GTF2E2: variants seen among roughly 807,000 people sequenced by gnomAD.
GTF2E2 encodes the protein general transcription factor IIE subunit 2.
Under a neutral mutation model 40.5 loss-of-function variants are expected in GTF2E2, and 21 were observed. The observed-to-expected ratio is 0.52, with a 90% CI of 0.37 to 0.75. The LOEUF is 0.75. GTF2E2 is among the 30% of genes least tolerant of loss of function. The pLI is 0.00. For missense variants in GTF2E2, 298 were observed against 338.4 expected, an observed-to-expected ratio of 0.88 and a Z score of 0.94; for synonymous variants, 117 against 121.6, an observed-to-expected ratio of 0.96 and a Z score of 0.25.
chr8:30,630,334 A>G (rs1801404386), intron 3 of GTF2E2, among the ~76,000 whole-genome samples: 1 of 152,136 alleles, frequency 6.6e-6, no homozygotes, highest in African/African-American at 2.4e-5. Flanking sequence ...TCTATTTAGT[A>G]CTTTGTCCAA....
intron 2 of GTF2E2, among the ~76,000 whole-genome samples, chr8:30,649,530 A>G (rs1171793253): frequency 6.6e-6 from 1 of 152,196 alleles, no homozygotes; most frequent in African/African-American, 2.4e-5. Flanking sequence ...AAGGGAGAAA[A>G]GACAAATTCC....
chr8:30,638,491 T>C (rs1801687053), intron 2 of GTF2E2: 1 of 152,508 alleles, frequency 6.6e-6, no homozygotes. Context: ...CTCTTAAGGG[T>C]GGCAAGACTT....
At chr8:30,634,438 A>T (rs982833512) in intron 3 of GTF2E2, among the ~76,000 whole-genome samples, 1 of 152,024 alleles carries the variant, frequency 6.6e-6, no homozygotes, top group Non-Finnish European at 1.5e-5. Context: ...ACGGAGCAAG[A>T]CTGTCTCAAA....
intron 6 of GTF2E2, among the ~76,000 whole-genome samples, chr8:30,605,416 T>A (rs1829292717): frequency 6.6e-6 from 1 of 151,770 alleles, no homozygotes; most frequent in Non-Finnish European, 1.5e-5. Context: ...GGGAAAAAAC[T>A]GAAGAATCCA....
chr8:30,588,458 AGC>A (rs1270396030), intron 6 of GTF2E2, among the ~76,000 whole-genome samples: 1 of 152,240 alleles, frequency 6.6e-6, no homozygotes, highest in Non-Finnish European at 1.5e-5. Flanking sequence ...AAATGAAATA[AGC>A]CAGGCACCGA....
At chr8:30,645,436 A>T (rs1802031929) in intron 2 of GTF2E2, 9 of 1,535,614 alleles carry the variant, frequency 5.9e-6, no homozygotes, top group Non-Finnish European at 7.8e-6. Context: ...GCTTTTATTT[A>T]TATTTACAGT....
chr8:30,613,020 T>C (rs1290143743), intron 4 of GTF2E2, among the ~76,000 whole-genome samples: 1 of 152,266 alleles, frequency 6.6e-6, no homozygotes, highest in Non-Finnish European at 1.5e-5. Flanking sequence ...AACTGTGTTT[T>C]ATTTACATAA....
At chr8:30,621,912 A>T (rs1801112169) in intron 3 of GTF2E2, among the ~76,000 whole-genome samples, 1 of 152,000 alleles carries the variant, frequency 6.6e-6, no homozygotes, top group African/African-American at 2.4e-5. Flanking sequence ...TGACCTAAAG[A>T]AAACACATTT....
intron 3 of GTF2E2, among the ~76,000 whole-genome samples, chr8:30,618,291 C>T (rs563393856): frequency 1.5e-4 from 3 of 20,686 alleles, no homozygotes; most frequent in East Asian, 1.5e-3. Context: ...TCTCGGGGGG[C>T]GGGGGGGAGT....
chr8:30,652,976 A>C (rs141016502), intron 2 of GTF2E2, among the ~76,000 whole-genome samples: 2 of 152,326 alleles, frequency 1.3e-5, no homozygotes, highest in East Asian at 3.9e-4. Flanking sequence ...CTTACTGTAC[A>C]ATTTCATTTA....
intron 2 of GTF2E2, among the ~76,000 whole-genome samples, chr8:30,642,089 A>AT (rs1353062045): frequency 6.6e-6 from 1 of 152,272 alleles, no homozygotes; most frequent in Non-Finnish European, 1.5e-5. Context: ...TGTATTAAAT[A>AT]GATACATAAA....
intron 3 of GTF2E2, among the ~76,000 whole-genome samples, chr8:30,628,477 T>C (rs1418702139): frequency 1.3e-5 from 2 of 152,234 alleles, no homozygotes; most frequent in Non-Finnish European, 2.9e-5. Context: ...TTAATAAATG[T>C]GAACTCGGAG....
At chr8:30,628,287 T>C (rs750690694) in intron 3 of GTF2E2, among the ~76,000 whole-genome samples, 2 of 152,206 alleles carry the variant, frequency 1.3e-5, no homozygotes, top group Admixed American at 6.5e-5. Context: ...AGGTTTCCTC[T>C]GCCTATACTA....
intron 6 of GTF2E2, among the ~76,000 whole-genome samples, chr8:30,592,752 A>C (rs1828887271): frequency 6.6e-6 from 1 of 152,224 alleles, no homozygotes; most frequent in African/African-American, 2.4e-5. Context: ...ATTTTTTTCC[A>C]AATATTTTCA....
At chr8:30,622,907 C>T (rs1010713053) in intron 3 of GTF2E2, among the ~76,000 whole-genome samples, 2 of 151,968 alleles carry the variant, frequency 1.3e-5, no homozygotes, top group African/African-American at 4.8e-5. Flanking sequence ...TCAAGGTGCC[C>T]AGATTTCATA....
At chr8:30,593,472 T>C (rs1014414329) in intron 6 of GTF2E2, among the ~76,000 whole-genome samples, 1 of 152,242 alleles carries the variant, frequency 6.6e-6, no homozygotes, top group African/African-American at 2.4e-5. Context: ...TCTTGGAGAA[T>C]TGATACTTTT....
chr8:30,611,418 G>A (rs571401800), intron 5 of GTF2E2, among the ~76,000 whole-genome samples: 1 of 151,990 alleles, frequency 6.6e-6, no homozygotes. Flanking sequence ...GCAGCTATAA[G>A]AAATCATACT....
intron 6 of GTF2E2, among the ~76,000 whole-genome samples, chr8:30,595,154 A>T (rs6987472): frequency 0.033 from 4,967 of 152,248 alleles, 296 homozygotes; most frequent in African/African-American, 0.11. Flanking sequence ...TACATATTTA[A>T]TTAATCAGAG....
intron 3 of GTF2E2, among the ~76,000 whole-genome samples, chr8:30,626,120 A>C (rs906396635): frequency 6.6e-6 from 1 of 152,220 alleles, no homozygotes; most frequent in Non-Finnish European, 1.5e-5. Context: ...CTAAACAAGT[A>C]ATTTTTACAC....
Sources: allele counts gnomAD v4.1 joint callset (sites outside exome capture counted in the v4.1 genomes callset), GRCh38; gene constraint gnomAD v4.1.1; transcripts MANE v1.5; gene names NCBI Gene and HGNC (gene_info 2026-07-23, HGNC 2026-07-21).